The following ZFP1 variants were observed in gnomAD, a reference collection of about 807,000 sequenced individuals.
ZFP1 encodes ZFP1 zinc finger protein.
A neutral mutation model predicts 38.5 loss-of-function variants in ZFP1; 32 were observed. That is an observed-to-expected ratio of 0.83 (90% confidence interval 0.63 to 1.12). The LOEUF (loss-of-function observed/expected upper bound fraction) is 1.12, where lower values mean the gene tolerates loss of function less well. Among genes scored for constraint, ZFP1 ranks in the 50% most tolerant of loss-of-function variants. ZFP1 has a pLI of 0.00. For synonymous variants in ZFP1, 245 were observed against 168.8 expected (o/e 1.45, Z -3.50); for missense variants, 616 against 480.8 (o/e 1.28, Z -2.63).
chr16:75,161,775 T>TATA (rs59261786), intron 2 of ZFP1, among the ~76,000 whole-genome samples: 121 of 6,178 alleles, frequency 0.02, no homozygotes, highest in Non-Finnish European at 0.028. Flanking sequence ...TATATATATA[T>TATA]TTTTTTTTTT....
intron 2 of ZFP1, among the ~76,000 whole-genome samples, chr16:75,161,204 A>T (rs2037755211): frequency 6.6e-6 from 1 of 152,026 alleles, no homozygotes; most frequent in Admixed American, 6.6e-5. Context: ...AGTAGCTGGG[A>T]TTACAAGGTG....
At chr16:75,159,291 C>T (rs1597056951) in intron 2 of ZFP1, among the ~76,000 whole-genome samples, 1 of 39,114 alleles carries the variant, frequency 2.6e-5, no homozygotes, top group Admixed American at 2.4e-4. Flanking sequence ...CCTTCCTTCC[C>T]TCCCTTCCCT....
chr16:75,154,140 C>T lies in ZFP1; in HGVS notation c.15+1174C>T, dbSNP rs527770519. ...TCGGGAGGCTGAGGCAGGAGAATGG[C>T]GTGAAGCCAGGAGGCGGAGCTTGCA... On this transcript the variant is annotated intron_variant, in intron 2 of 3. Coordinates refer to ENST00000570010, the MANE Select transcript of ZFP1 (RefSeq NM_153688.4). Among the ~76,000 whole-genome samples, 124 of 152,082 alleles carry T rather than the reference C, an allele frequency of 8.2e-4. 1 individual carries two copies. The highest frequency in any genetic ancestry group is 1.4e-3 in the Non-Finnish European group (97 of 67,982).
At chr16:75,160,314 C>G (rs1350623939) in intron 2 of ZFP1, among the ~76,000 whole-genome samples, 2 of 152,126 alleles carry the variant, frequency 1.3e-5, no homozygotes, top group African/African-American at 2.4e-5. Context: ...GGGTGGATCC[C>G]TTGAGGGCAG....
At chr16:75,163,463 C>G (rs531907361) in intron 2 of ZFP1, among the ~76,000 whole-genome samples, 1 of 152,084 alleles carries the variant, frequency 6.6e-6, no homozygotes, top group East Asian at 1.9e-4. Flanking sequence ...AGGTGCCCAC[C>G]ACCATGCCCG....
the ZFP1 span, among the ~76,000 whole-genome samples, chr16:75,120,739 C>G: frequency 1.3e-5 from 2 of 151,784 alleles, no homozygotes; most frequent in African/African-American, 4.9e-5. Flanking sequence ...GTAGCTGGGA[C>G]TACAAGCGCC....
At chr16:75,134,623 G>A in the ZFP1 span, among the ~76,000 whole-genome samples, 2 of 151,724 alleles carry the variant, frequency 1.3e-5, no homozygotes, top group South Asian at 4.1e-4. Flanking sequence ...GTGGTGGCGG[G>A]CACCTGTAGT....
chr16:75,148,980 G>T (rs547504866), intron 1 of ZFP1: 12 of 151,886 alleles, frequency 7.9e-5, no homozygotes, highest in Admixed American at 5.2e-4. Context: ...GCGCGCGCGC[G>T]GGACGAGGCC....
At chr16:75,159,381 CTT>C (rs2037646223) in intron 2 of ZFP1, among the ~76,000 whole-genome samples, 1 of 107,746 alleles carries the variant, frequency 9.3e-6, no homozygotes, top group Non-Finnish European at 1.8e-5. Flanking sequence ...CCCTCCCTTC[CTT>C]CCTTTCTCTC....
chr16:75,133,045 T>G, the ZFP1 span, among the ~76,000 whole-genome samples: 6 of 152,016 alleles, frequency 3.9e-5, no homozygotes, highest in African/African-American at 9.7e-5. Flanking sequence ...TGGTGCGATC[T>G]TGGCTCACCA....
intron 2 of ZFP1, chr16:75,166,447 A>T (rs916003157): frequency 2.0e-5 from 13 of 651,560 alleles, no homozygotes; most frequent in Non-Finnish European, 2.3e-5. Flanking sequence ...GCTGGTCTCG[A>T]ACTCCCGACC....
chr16:75,141,241 C>T, the ZFP1 span, among the ~76,000 whole-genome samples: 18 of 121,268 alleles, frequency 1.5e-4, no homozygotes, highest in South Asian at 2.8e-4. Context: ...CTCGCTCTGT[C>T]GCCCAGGCTG....
At position 75,169,546 on chromosome 16, in the gene ZFP1, C is replaced by G. The variant is rs1217438407; in HGVS notation, c.436C>G (p.Gln146Glu). The G allele has an allele frequency of 9.3e-6, 15 of 1,612,220 alleles. No individual in the cohort carries two copies. Among genetic ancestry groups the G allele is most frequent in the Non-Finnish European group, 1.3e-5 (15 of 1,179,672 alleles). The change falls in exon 4 of 4, where the codon CAA becomes GAA. Residue 146 changes from glutamine (Q) to glutamate (E), a missense_variant. By Grantham distance (29) the Gln-to-Glu change is conservative (BLOSUM62 2). Coordinates refer to ENST00000570010, the MANE Select transcript of ZFP1 (RefSeq NM_153688.4). Reference sequence around the variant, plus strand: ...TGGAAAAGCACTTCTCTACCTGAAGCAAGAGAAAACCCACAGTGGAGTAGA... The same window carrying G: ...TGGAAAAGCACTTCTCTACCTGAAGGAAGAGAAAACCCACAGTGGAGTAGA... ...EFGKALLYLK[Q>E]EKTHSGVEYS...
At chr16:75,161,076 T>G (rs1163494836) in intron 2 of ZFP1, among the ~76,000 whole-genome samples, 4 of 152,160 alleles carry the variant, frequency 2.6e-5, no homozygotes, top group Non-Finnish European at 4.4e-5. Flanking sequence ...ATTTATTTAA[T>G]TAATTTTCAA....
At chr16:75,165,548 C>G (rs1027049967) in intron 2 of ZFP1, among the ~76,000 whole-genome samples, 2 of 152,032 alleles carry the variant, frequency 1.3e-5, no homozygotes, top group Admixed American at 6.6e-5. Context: ...GCGCCCTCTA[C>G]CACACCCGGA....
the ZFP1 span, among the ~76,000 whole-genome samples, chr16:75,137,438 A>G: frequency 1.4e-5 from 2 of 145,214 alleles, no homozygotes; most frequent in African/African-American, 2.6e-5. Flanking sequence ...AGGGAGAGAG[A>G]CTCAGTCTCT....
intron 2 of ZFP1, among the ~76,000 whole-genome samples, chr16:75,161,614 A>G (rs2037780718): frequency 6.7e-6 from 1 of 150,350 alleles, no homozygotes; most frequent in South Asian, 2.1e-4. Flanking sequence ...CTTGTAACCT[A>G]TTCTCTCCTG....
At chr16:75,163,436 T>C (rs1290699182) in intron 2 of ZFP1, among the ~76,000 whole-genome samples, 5 of 151,622 alleles carry the variant, frequency 3.3e-5, no homozygotes, top group Non-Finnish European at 7.4e-5. Context: ...CTCAGCCTCC[T>C]GAGTAGCTGA....
the ZFP1 span, among the ~76,000 whole-genome samples, chr16:75,139,677 G>T: frequency 6.6e-6 from 1 of 152,138 alleles, no homozygotes; most frequent in East Asian, 1.9e-4. Flanking sequence ...GATCCCTCTT[G>T]ATAAGAGTGG....
Sources: gnomAD v4.1 joint callset for allele counts (sites outside exome capture counted in the v4.1 genomes callset) on GRCh38, gnomAD v4.1.1 for gene constraint, MANE v1.5 for transcripts, NCBI Gene and HGNC (gene_info 2026-07-23, HGNC 2026-07-21) for gene names.